The following DGKA variants were observed in gnomAD, a reference collection of about 807,000 sequenced individuals.
The protein encoded by DGKA is 80 kDa diacylglycerol kinase.
In DGKA, 35 loss-of-function variants were observed where a neutral mutation model predicts 105.0. The ratio of observed to expected loss-of-function variants is 0.33; its 90% CI spans 0.25 to 0.44. The LOEUF (loss-of-function observed/expected upper bound fraction) is 0.44. DGKA is among the 20% of genes least tolerant of loss of function. DGKA has a pLI of 1.00. For missense variants in DGKA, 665 were observed against 915.0 expected (o/e 0.73, Z 3.53); for synonymous variants, 296 against 332.0 (o/e 0.89, Z 1.18).
At chr12:55,951,947 G>T in intron 18 of DGKA, 88 bp from the exon 19 acceptor site, 1 of 1,524,326 alleles carries the variant, frequency 6.6e-7, no homozygotes, top group Non-Finnish European at 9.1e-7. Flanking sequence ...GACATGCTGT[G>T]GGGAGCAGCA....
Position 55,941,323 on chromosome 12 carries a change from A to G in DGKA, c.1173A>G (p.Gln391=), listed in dbSNP as rs1136082. The G allele has an allele frequency of 0.81, 1,310,025 of 1,612,434 alleles. 533,795 individuals carry two copies. The highest frequency in any genetic ancestry group is 0.93 in the African/African-American group (70,030 of 74,934). Residue 391 remains glutamine, a splice_region_variant and synonymous_variant, in exon 14 of 24, where the codon CAA becomes CAG. Coordinates refer to ENST00000331886, the MANE Select transcript of DGKA (RefSeq NM_001345.5). ...VNPKSGGKQG[Q]RVLWKFQYIL... The stretch of plus-strand genomic sequence containing the variant: ...CTAAGAGTGGCGGGAAGCAGGGGCA[A>G]AGGTGAGGAGAAATATATTGGGTCT...
rs879177580 is a variant in DGKA at position 55,951,820 on chromosome 12, G to C, written c.1587+37G>C. 5.0e-6 allele frequency: 8 copies of C among 1,605,180 alleles called. No homozygotes were observed. The Admixed American group carries it at 1.2e-4, about 24-fold the overall frequency. ...GGGGCCTGGGGAGAAGGGAGAAAGGGGGGGCCAAGCAGTCAGAGGCTGGAG... is the reference window on the plus strand; with the variant it reads ...GGGGCCTGGGGAGAAGGGAGAAAGGCGGGGCCAAGCAGTCAGAGGCTGGAG... On this transcript the variant is annotated intron_variant, in intron 18 of 23. Coordinates refer to ENST00000331886, the MANE Select transcript of DGKA (RefSeq NM_001345.5).
chr12:55,941,884 CA>C, intron 15 of DGKA, 113 bp from the exon 16 acceptor site: 1 of 1,145,944 alleles, frequency 8.7e-7, no homozygotes, highest in Non-Finnish European at 1.3e-6. Context: ...AGTCTTTTGA[CA>C]AAAAGGAGGA....
chr12:55,937,258 A>G (rs1350736190), intron 3 of DGKA, 150 bp from the exon 4 acceptor site: 14 of 1,205,758 alleles, frequency 1.2e-5, no homozygotes, highest in African/African-American at 4.6e-5. Context: ...AAGGGATTCT[A>G]TTAACTCAGG....
At chr12:55,947,882 C>T (rs561536900) in intron 17 of DGKA, among the ~76,000 whole-genome samples, 5 of 152,174 alleles carry the variant, frequency 3.3e-5, no homozygotes, top group Admixed American at 2.0e-4. Context: ...CCTCCACCTC[C>T]GGGTTCAAGC....
At chr12:55,939,108 A>T in intron 7 of DGKA, 78 bp from the exon 8 acceptor site, 1 of 1,604,698 alleles carries the variant, frequency 6.2e-7, no homozygotes, top group Non-Finnish European at 8.5e-7. Flanking sequence ...GCTGGGCTGG[A>T]TATCCTAAGA....
intron 13 of DGKA, 106 bp from the exon 14 acceptor site, chr12:55,941,146 G>C: frequency 1.4e-6 from 2 of 1,380,222 alleles, no homozygotes; most frequent in Non-Finnish European, 2.0e-6. Context: ...GAGGGAGGGG[G>C]GAAATATCTT....
chr12:55,947,870 A>G (rs1887358501), intron 17 of DGKA, among the ~76,000 whole-genome samples: 1 of 152,082 alleles, frequency 6.6e-6, no homozygotes, highest in African/African-American at 2.4e-5. Context: ...GGCTCACTGC[A>G]ACCTCCACCT....
chr12:55,951,104 C>G (rs886734432), intron 17 of DGKA, among the ~76,000 whole-genome samples: 1 of 152,138 alleles, frequency 6.6e-6, no homozygotes, highest in African/African-American at 2.4e-5. Context: ...TCCCCAGCAC[C>G]ATTTATTGAA....
rs1888274020 is a variant in DGKA, at chr12:55,952,094, C to T, written c.1647C>T (p.Asn549=). Reference sequence around the variant, plus strand: ...GAGAGAAATATCCGGAGAAGTTCAACAGCAGGTTAGGGAAAGGAGGGGGCA... The same window carrying T: ...GAGAGAAATATCCGGAGAAGTTCAATAGCAGGTTAGGGAAAGGAGGGGGCA... ...IMREKYPEKF[N]SRMKNKLWYF... is the part of the protein sequence containing the mutation. The change falls in exon 19 of 24, where the codon AAC becomes AAT. Residue 549 remains asparagine (N), a synonymous_variant. Transcript: ENST00000331886. This position sits in a 1 kb window ranked among gnomAD's most constrained non-coding sequence, Gnocchi z 5.1. 3 of 1,614,018 alleles carry T rather than the reference C, an allele frequency of 1.9e-6. No individual in the cohort carries two copies. The highest frequency in any genetic ancestry group is 2.5e-6 in the Non-Finnish European group (3 of 1,180,002).
chr12:55,953,930 C>A lies in DGKA; in HGVS notation c.*162C>A, dbSNP rs999406967. ...TATCCTGCACCACCTCACTGTTCCC[C>A]ATGCGCACACACATACACACACCCC... is the stretch of plus-strand genomic sequence containing the variant. On this transcript the variant is annotated 3_prime_UTR_variant, in exon 24 of 24. Coordinates refer to ENST00000331886, the MANE Select transcript of DGKA (RefSeq NM_001345.5). 5 of 665,734 alleles carry A rather than the reference C, an allele frequency of 7.5e-6. No individual in the cohort carries two copies. The highest frequency in any genetic ancestry group is 1.3e-5 in the Non-Finnish European group (5 of 386,526). 41.2% of individuals were successfully genotyped at this position (665,734 alleles called of 1,614,324 possible).
At position 55,950,482 on chromosome 12, in the gene DGKA, A is replaced by AT. The variant is rs560091337; in HGVS notation, c.1427-1136dup. Among the ~76,000 whole-genome samples, 366 of 147,708 alleles carry AT rather than the reference A, an allele frequency of 2.5e-3. 9 individuals are homozygous for AT. The East Asian group carries it at 0.053, about 21-fold the overall frequency. ...CCACCACGCCTGGCTAATTTTTTGT[A>AT]TTTTTAGTAGAGACAGGGTTTCACC... On this transcript the variant is annotated intron_variant, in intron 17 of 23. Coordinates refer to ENST00000331886, the MANE Select transcript of DGKA (RefSeq NM_001345.5).
intron 17 of DGKA, among the ~76,000 whole-genome samples, chr12:55,946,210 G>A (rs1328542901): frequency 6.7e-6 from 1 of 148,718 alleles, no homozygotes; most frequent in Non-Finnish European, 1.5e-5. Flanking sequence ...TGCTCTTGTT[G>A]CCCAGGCTGG....
chr12:55,930,226 C>T (rs1278622656), upstream of DGKA, among the ~76,000 whole-genome samples: 1 of 151,996 alleles, frequency 6.6e-6, no homozygotes, highest in Non-Finnish European at 1.5e-5. Flanking sequence ...AAGTACAGGA[C>T]TTAGTGTATA....
At chr12:55,937,856 T>A (rs1369493326) in intron 4 of DGKA, 122 bp from the exon 5 acceptor site, 2 of 905,834 alleles carry the variant, frequency 2.2e-6, no homozygotes, top group Admixed American at 4.4e-5. Context: ...AGCAAGACCC[T>A]GTCTCTCAAA....
rs1555183525 is a variant in DGKA at position 55,932,711 on chromosome 12, A to ACACACACG, written c.-82+1374_-82+1375insGCACACAC. On this transcript the variant is annotated intron_variant, in intron 1 of 23. Transcript: ENST00000331886. This position sits in a 1 kb window ranked among gnomAD's most constrained non-coding sequence, Gnocchi z 4.3. ...ACCCTCTACACACACACACACACGC[A>ACACACACG]CACACACACACACACACACACACAC... The ACACACACG allele has an allele frequency of 8.1e-5, 1 of 12,272 alleles. No homozygotes were observed. Among genetic ancestry groups the ACACACACG allele is most frequent in the Non-Finnish European group, 1.8e-4 (1 of 5,538 alleles). The allele number at this position is 12,272 out of a possible 1,614,324, so 0.8% of individuals were successfully genotyped here.
chr12:55,951,901 T>A, intron 18 of DGKA, 118 bp downstream of exon 18: 2 of 1,492,132 alleles, frequency 1.3e-6, no homozygotes, highest in Non-Finnish European at 1.9e-6. Context: ...AAATTGGGAG[T>A]GCAGTACAGT....
At position 55,940,879 on chromosome 12, in the gene DGKA, A is replaced by G. The variant is rs761639175; in HGVS notation, c.1018-18A>G. The stretch of plus-strand genomic sequence containing the variant: ...GCACAATACAGCTTTTCTTCCCTCT[A>G]CTTTCTTCCCCTCCCAGGCCTCTGG... On this transcript the variant is annotated intron_variant, in intron 12 of 23. Transcript: ENST00000331886. The surrounding 1 kb of genome is among the most constrained non-coding windows in gnomAD (Gnocchi z 4.3). 1.2e-6 allele frequency: 2 copies of G among 1,613,182 alleles called. No individual in the cohort carries two copies. Among genetic ancestry groups the G allele is most frequent in the Non-Finnish European group, 1.7e-6 (2 of 1,179,332 alleles).
At position 55,953,666 on chromosome 12, in the gene DGKA, G is replaced by T; in HGVS notation, c.2125-19G>T. 1 of 1,611,794 alleles carries T rather than the reference G, an allele frequency of 6.2e-7. No individual in the cohort carries two copies. The highest frequency in any genetic ancestry group is 8.5e-7 in the Non-Finnish European group (1 of 1,177,910). On this transcript the variant is annotated intron_variant, in intron 23 of 23. Transcript: ENST00000331886. ...AAAGTATCAGGTCCTGCCTCTGAAT[G>T]TGCTCCCTTCCCTTCCAGATCAAGA...
Sources: gnomAD v4.1 joint callset for allele counts (sites outside exome capture counted in the v4.1 genomes callset) on GRCh38, gnomAD v4.1.1 for gene constraint, Gnocchi (gnomAD v3.1) non-coding constraint, MANE v1.5 for transcripts, NCBI Gene and HGNC (gene_info 2026-07-23, HGNC 2026-07-21) for gene names.